Variants in NR2C1 observed in about 807,000 individuals in gnomAD.
NR2C1 encodes the protein nuclear receptor subfamily 2 group C member 1, also known as TR2 nuclear hormone receptor.
NR2C1 carries 33 observed loss-of-function variants against 74.8 expected under a neutral mutation model. The ratio of observed to expected loss-of-function variants is 0.44; its 90% CI spans 0.33 to 0.59. NR2C1 has a LOEUF of 0.59. NR2C1 is among the 20% of genes least tolerant of loss of function. The probability of loss-of-function intolerance (pLI) is 0.02; values close to 1 mark genes in which losing one functional copy is unlikely to be tolerated. For missense variants in NR2C1, 568 were observed against 715.6 expected, an observed-to-expected ratio of 0.79 and a Z score of 2.35; for synonymous variants, 225 against 240.6, an observed-to-expected ratio of 0.94 and a Z score of 0.60.
chr12:95,070,394 A>G (rs532682451), intron 1 of NR2C1, among the ~76,000 whole-genome samples: 16 of 152,262 alleles, frequency 1.1e-4, no homozygotes, highest in Admixed American at 3.3e-4. Flanking sequence ...AGCCTCACAA[A>G]GTGTGGGGAT....
At chr12:95,063,674 C>CA (rs34653320) in intron 2 of NR2C1, among the ~76,000 whole-genome samples, 27,143 of 139,220 alleles carry the variant, frequency 0.19, 3,594 homozygotes, top group African/African-American at 0.39. Flanking sequence ...GACCCTGTCT[C>CA]AAAAAAAAAA....
At chr12:95,041,496 C>CA (rs1012797521) in intron 9 of NR2C1, among the ~76,000 whole-genome samples, 7 of 151,540 alleles carry the variant, frequency 4.6e-5, no homozygotes, top group African/African-American at 1.5e-4. Context: ...CAAAACAAAA[C>CA]AAAAAAACCC....
At chr12:95,064,065 C>T (rs1875239612) in intron 2 of NR2C1, among the ~76,000 whole-genome samples, 1 of 145,616 alleles carries the variant, frequency 6.9e-6, no homozygotes, top group Non-Finnish European at 1.5e-5. Context: ...CACAGTGGCT[C>T]ATGCCTATAA....
intron 1 of NR2C1, chr12:95,072,955 G>A (rs535282363): frequency 1.3e-5 from 2 of 152,246 alleles, no homozygotes; most frequent in Admixed American, 1.3e-4. Flanking sequence ...CCTCTCCCAC[G>A]TCTCACTCGT....
At chr12:95,040,368 T>TTA (rs1871371459) in intron 10 of NR2C1, 108 bp downstream of exon 10, 17 of 1,047,034 alleles carry the variant, frequency 1.6e-5, no homozygotes, top group Non-Finnish European at 2.3e-5. Context: ...AGCTATAATG[T>TTA]TATACTGTTT....
Position 95,020,337 on chromosome 12 carries a change from A to G in NR2C1, c.*1892T>C, listed in dbSNP as rs1868663410. 6.6e-6 allele frequency: 1 copy of G among 152,326 alleles called. No homozygotes were observed. Among genetic ancestry groups the G allele is most frequent in the Non-Finnish European group, 1.5e-5 (1 of 68,034 alleles). The allele number at this position is 152,326 out of a possible 1,614,324, so 9.4% of individuals were successfully genotyped here. ...TTAAAGTCTTCCAAATATAGTAGCAAATTTAATCAGAAAAAACACCTGAAA... is the reference window on the plus strand; with the variant it reads ...TTAAAGTCTTCCAAATATAGTAGCAGATTTAATCAGAAAAAACACCTGAAA... On this transcript the variant is annotated 3_prime_UTR_variant, in exon 14 of 14. Transcript: ENST00000333003.
At chr12:95,049,321 G>A (rs1872685277) in intron 8 of NR2C1, 88 bp from the exon 9 acceptor site, 2 of 1,400,588 alleles carry the variant, frequency 1.4e-6, no homozygotes, top group East Asian at 2.3e-5. Context: ...TAAGATTTAA[G>A]CCTAAAAAAC....
rs1592782361 is a variant in NR2C1, at chr12:95,059,908, G to T, written c.362C>A (p.Ser121Ter). Residue 121 changes from serine to a stop codon, truncating the protein, a stop_gained and splice_region_variant, in exon 4 of 14, where the codon TCA becomes TAA. Coordinates refer to ENST00000333003, the MANE Select transcript of NR2C1 (RefSeq NM_003297.4). LOFTEE classifies it high-confidence loss of function. Reference protein sequence around the residue: ...DLCVVCGDKASGRHYGAVTCE... With the variant: ...DLCVVCGDKA ...TAGGAGGTTATTCTTAATGTTACCTGATGCTTTGTCTCCACATACTACGCA... is the reference window on the plus strand; with the variant it reads ...TAGGAGGTTATTCTTAATGTTACCTTATGCTTTGTCTCCACATACTACGCA... 1 of 1,560,150 alleles carries T rather than the reference G, an allele frequency of 6.4e-7. No homozygotes were observed.
At chr12:95,062,122 T>A (rs1173293927) in intron 3 of NR2C1, among the ~76,000 whole-genome samples, 6 of 152,212 alleles carry the variant, frequency 3.9e-5, no homozygotes, top group Non-Finnish European at 1.5e-5. Flanking sequence ...GACAATTTCC[T>A]AATTATGAAG....
Position 95,028,494 on chromosome 12 carries a change from A to C in NR2C1, c.1424T>G (p.Leu475Trp). 1 of 1,567,296 alleles carries C rather than the reference A, an allele frequency of 6.4e-7. No individual in the cohort carries two copies. Among genetic ancestry groups the C allele is most frequent in the Non-Finnish European group, 8.7e-7 (1 of 1,143,756 alleles). ...DKMSTERRKL[L>W]MEHIFKLQEF... ...CTGTAGTTTGAAGATGTGCTCCATCAATAATTTTCTTCTTTCTGTTGACAT... is the reference window on the plus strand; with the variant it reads ...CTGTAGTTTGAAGATGTGCTCCATCCATAATTTTCTTCTTTCTGTTGACAT... The change falls in exon 12 of 14, where the codon TTG (leucine) becomes TGG (tryptophan). Residue 475 changes from leucine to tryptophan, a missense_variant. Leu to Trp is a moderately conservative substitution (Grantham distance 61). Coordinates refer to ENST00000333003, the MANE Select transcript of NR2C1 (RefSeq NM_003297.4).
chr12:95,057,970 G>A, intron 5 of NR2C1, 92 bp from the exon 6 acceptor site: 1 of 1,043,700 alleles, frequency 9.6e-7, no homozygotes, highest in Non-Finnish European at 1.4e-6. Flanking sequence ...CTGCTAATAG[G>A]AGACATGGCT....
At chr12:95,039,486 G>A (rs903865650) in intron 10 of NR2C1, among the ~76,000 whole-genome samples, 2 of 151,958 alleles carry the variant, frequency 1.3e-5, no homozygotes, top group African/African-American at 4.8e-5. Flanking sequence ...TCTAACTATG[G>A]GCTTAACTTT....
Position 95,020,778 on chromosome 12 carries a change from G to C in NR2C1, c.*1451C>G, listed in dbSNP as rs547121398. 1.3e-5 allele frequency: 2 copies of C among 152,250 alleles called. No homozygotes were observed. Among genetic ancestry groups the C allele is most frequent in the African/African-American group, 4.8e-5 (2 of 41,546 alleles). The allele number at this position is 152,250 out of a possible 1,614,324, so 9.4% of individuals were successfully genotyped here. A position where few individuals can be genotyped will look rare whatever the true frequency, so the allele number is the denominator to read the frequency against. ...GCAAAGAAACAGTTATCAGTATCAG[G>C]TTTGCTAAAAGAATAAATTACTGTG... On this transcript the variant is annotated 3_prime_UTR_variant, in exon 14 of 14. Transcript: ENST00000333003.
Position 95,043,313 on chromosome 12 carries a change from G to A in NR2C1, c.1132-2716C>T, listed in dbSNP as rs191743345. Among the ~76,000 whole-genome samples, 815 of 152,004 alleles carry A rather than the reference G, an allele frequency of 5.4e-3. 14 individuals are homozygous for A. Among genetic ancestry groups the A allele is most frequent in the Non-Finnish European group, 3.6e-3 (245 of 67,970 alleles). ...AGAATTACCCAAGGTGAGTAAAAAG[G>A]AAGTCTGAAAAACTAAGGGAATTAC... On this transcript the variant is annotated intron_variant, in intron 9 of 13. Transcript: ENST00000333003.
At chr12:95,023,658 C>T (rs911639541) in intron 13 of NR2C1, among the ~76,000 whole-genome samples, 1 of 152,176 alleles carries the variant, frequency 6.6e-6, no homozygotes, top group Non-Finnish European at 1.5e-5. Context: ...TGATCCCTGC[C>T]AATTTCTGTG....
intron 11 of NR2C1, chr12:95,030,772 G>A (rs754235166): frequency 6.2e-7 from 1 of 1,611,598 alleles, no homozygotes; most frequent in South Asian, 1.1e-5. Context: ...TTGTTGATGG[G>A]GCACTGTTTT....
At chr12:95,052,860 A>T (rs577024544) in intron 7 of NR2C1, among the ~76,000 whole-genome samples, 1 of 152,252 alleles carries the variant, frequency 6.6e-6, no homozygotes, top group Non-Finnish European at 1.5e-5. Flanking sequence ...GTGTTAATTA[A>T]ATGTGTTAAA....
intron 7 of NR2C1, among the ~76,000 whole-genome samples, chr12:95,053,330 C>T (rs1307715399): frequency 1.3e-5 from 2 of 152,024 alleles, no homozygotes; most frequent in East Asian, 1.9e-4. Flanking sequence ...GCATTAGCTA[C>T]AATTCTTTTA....
intron 3 of NR2C1, 136 bp from the exon 4 acceptor site, chr12:95,060,120 A>C (rs1389785042): frequency 1.4e-6 from 1 of 702,056 alleles, no homozygotes; most frequent in Non-Finnish European, 2.3e-6. Flanking sequence ...GTTATTTTTA[A>C]ACTTTGTACT....
Sources: allele counts gnomAD v4.1 joint callset (sites outside exome capture counted in the v4.1 genomes callset), GRCh38; gene constraint gnomAD v4.1.1; transcripts MANE v1.5; gene names NCBI Gene and HGNC (gene_info 2026-07-23, HGNC 2026-07-21).